Variants in BICC1 observed in about 807,000 individuals in gnomAD.
BICC1 encodes protein bicaudal C homolog 1.
BICC1 carries 43 observed loss-of-function variants against 111.0 expected under a neutral mutation model. The ratio of observed to expected loss-of-function variants is 0.39; its 90% CI spans 0.30 to 0.50. The LOEUF is 0.50. Among genes scored for constraint, BICC1 ranks in the 20% least tolerant of loss-of-function variants. BICC1 has a pLI of 0.88. For missense variants in BICC1, 1,091 were observed against 1,203.2 expected (o/e 0.91, Z 1.38); for synonymous variants, 467 against 434.4 (o/e 1.07, Z -0.93).
intron 1 of BICC1, among the ~76,000 whole-genome samples, chr10:58,565,695 G>C (rs1343886258): frequency 1.3e-5 from 2 of 152,176 alleles, no homozygotes; most frequent in African/African-American, 2.4e-5. Flanking sequence ...TCCCTGAGAA[G>C]ACTTTGCTAT....
chr10:58,636,293 C>T (rs1487718969), intron 2 of BICC1, among the ~76,000 whole-genome samples: 1 of 152,186 alleles, frequency 6.6e-6, no homozygotes, highest in Non-Finnish European at 1.5e-5. Flanking sequence ...CTGTTTATTA[C>T]ACTGACAATT....
intron 17 of BICC1, 108 bp from the exon 18 acceptor site, chr10:58,813,722 T>C: frequency 1.7e-6 from 2 of 1,167,664 alleles, no homozygotes; most frequent in African/African-American, 1.5e-5. Context: ...ACTGCGGTGG[T>C]TGGCAAGAGA....
chr10:58,652,279 A>G (rs574284858), intron 2 of BICC1, among the ~76,000 whole-genome samples: 2 of 152,274 alleles, frequency 1.3e-5, no homozygotes, highest in Non-Finnish European at 2.9e-5. Flanking sequence ...TGCTTGGATA[A>G]GTAAAAATTT....
chr10:58,601,168 A>ATATATATATATATATATC (rs1182289120), intron 1 of BICC1, among the ~76,000 whole-genome samples: 6 of 139,338 alleles, frequency 4.3e-5, no homozygotes, highest in African/African-American at 5.3e-5. Flanking sequence ...ATATATATAT[A>ATATATATATATATATATC]TATCTCCCAA....
At chr10:58,748,989 G>C (rs1841913202) in intron 3 of BICC1, among the ~76,000 whole-genome samples, 1 of 152,120 alleles carries the variant, frequency 6.6e-6, no homozygotes, top group Non-Finnish European at 1.5e-5. Context: ...CTAAATAATG[G>C]TTTGGTTAAG....
chr10:58,752,783 G>C (rs1038199283), intron 3 of BICC1, among the ~76,000 whole-genome samples: 21 of 152,256 alleles, frequency 1.4e-4, no homozygotes, highest in African/African-American at 5.1e-4. Flanking sequence ...TTTCATTCGT[G>C]GCTGCAAAGA....
chr10:58,680,911 A>G (rs2132359947), intron 2 of BICC1, among the ~76,000 whole-genome samples: 1 of 152,366 alleles, frequency 6.6e-6, no homozygotes, highest in Non-Finnish European at 1.5e-5. Flanking sequence ...TGACAAAAAC[A>G]AGCAATGGTG....
intron 1 of BICC1, among the ~76,000 whole-genome samples, chr10:58,575,577 TG>T (rs11295725): frequency 0.99 from 150,771 of 151,740 alleles, 74,908 homozygotes; most frequent in Non-Finnish European, 1. Context: ...AGTTTTTTTT[TG>T]GTTGTTGTTG....
intron 2 of BICC1, among the ~76,000 whole-genome samples, chr10:58,647,691 A>G (rs1209162435): frequency 6.6e-6 from 1 of 152,124 alleles, no homozygotes; most frequent in Non-Finnish European, 1.5e-5. Context: ...GCTCATAGCT[A>G]CTTTTCAATC....
chr10:58,825,216 A>G (rs1423206401), intron 20 of BICC1, among the ~76,000 whole-genome samples: 1 of 152,148 alleles, frequency 6.6e-6, no homozygotes, highest in Non-Finnish European at 1.5e-5. Context: ...TATAGGGTTC[A>G]TGAGTTGGCA....
At chr10:58,633,977 C>CTTTTTTTTTTCTTT (rs1837873528) in intron 2 of BICC1, among the ~76,000 whole-genome samples, 2 of 138,168 alleles carry the variant, frequency 1.4e-5, no homozygotes, top group East Asian at 2.1e-4. Flanking sequence ...TTTTCTTTTT[C>CTTTTTTTTTTCTTT]TTTTTTTTTT....
At chr10:58,556,823 T>C (rs1224127454) in intron 1 of BICC1, among the ~76,000 whole-genome samples, 1 of 152,032 alleles carries the variant, frequency 6.6e-6, no homozygotes, top group Admixed American at 6.6e-5. Context: ...CATATGAGGC[T>C]TCCATTTAAA....
intron 6 of BICC1, 87 bp from the exon 7 acceptor site, chr10:58,789,175 C>A: frequency 4.3e-6 from 5 of 1,150,848 alleles, no homozygotes; most frequent in Non-Finnish European, 6.2e-6. Context: ...TAAAATCTAT[C>A]TTCAGAAAAG....
chr10:58,583,582 CTCTGTG>C (rs778119509), intron 1 of BICC1, among the ~76,000 whole-genome samples: 138 of 69,602 alleles, frequency 2.0e-3, no homozygotes, highest in African/African-American at 4.7e-3. Context: ...TATTCTCTCT[CTCTGTG>C]TGTGTGTGTG....
intron 1 of BICC1, among the ~76,000 whole-genome samples, chr10:58,513,638 C>T (rs1842159971): frequency 6.6e-6 from 1 of 152,242 alleles, no homozygotes; most frequent in Non-Finnish European, 1.5e-5. Flanking sequence ...GAGATGCCAA[C>T]TTTAGCCCGG....
intron 1 of BICC1, among the ~76,000 whole-genome samples, chr10:58,585,080 A>T (rs1156322816): frequency 3.3e-5 from 5 of 152,228 alleles, no homozygotes; most frequent in Non-Finnish European, 7.3e-5. Flanking sequence ...TAGAGTATGA[A>T]AAGCAGAATT....
chr10:58,756,060 A>G (rs556942771), intron 3 of BICC1, among the ~76,000 whole-genome samples: 5 of 152,174 alleles, frequency 3.3e-5, no homozygotes, highest in Admixed American at 2.0e-4. Flanking sequence ...TTATCCTGGG[A>G]ACCTCACACC....
At chr10:58,680,462 T>C in intron 2 of BICC1, among the ~76,000 whole-genome samples, 1 of 152,092 alleles carries the variant, frequency 6.6e-6, no homozygotes, top group East Asian at 1.9e-4. Flanking sequence ...GAATACAACT[T>C]ACAAGGAATG....
chr10:58,737,180 G>A (rs1427966115), intron 3 of BICC1, among the ~76,000 whole-genome samples: 15 of 152,030 alleles, frequency 9.9e-5, no homozygotes, highest in Admixed American at 6.6e-5. Context: ...CATGTGCCAT[G>A]TTGGTGTGCT....
Sources: gnomAD v4.1 joint callset for allele counts (sites outside exome capture counted in the v4.1 genomes callset) on GRCh38, gnomAD v4.1.1 for gene constraint, MANE v1.5 for transcripts, NCBI Gene and HGNC (gene_info 2026-07-23, HGNC 2026-07-21) for gene names.